CMTM4: variants seen among roughly 807,000 people sequenced by gnomAD.
CMTM4 encodes the protein CKLF-like MARVEL transmembrane domain-containing protein 4.
A neutral mutation model predicts 19.0 loss-of-function variants in CMTM4; 8 were observed. The ratio of observed to expected loss-of-function variants is 0.42; its 90% confidence interval spans 0.25 to 0.76. CMTM4 has a LOEUF of 0.76. Among genes scored for constraint, CMTM4 ranks in the 30% least tolerant of loss-of-function variants. CMTM4 has a pLI of 0.27. For synonymous variants in CMTM4, 106 were observed against 121.1 expected (o/e 0.88, Z 0.82); for missense variants, 228 against 290.2 (o/e 0.79, Z 1.56).
chr16:66,611,428 G>A (rs776003584), downstream of CMTM4, among the ~76,000 whole-genome samples: 2 of 152,082 alleles, frequency 1.3e-5, no homozygotes, highest in Admixed American at 6.5e-5. Context: ...CAGCCTGGGC[G>A]ACAGAGTGAG....
chr16:66,673,570 T>G (rs915398396), intron 1 of CMTM4, among the ~76,000 whole-genome samples: 1 of 152,162 alleles, frequency 6.6e-6, no homozygotes, highest in African/African-American at 2.4e-5. Context: ...AATGTTGTAC[T>G]GTACTTTTGT....
chr16:66,625,434 CA>C (rs565431475), intron 2 of CMTM4, among the ~76,000 whole-genome samples: 6,265 of 76,326 alleles, frequency 0.082, 193 homozygotes, highest in East Asian at 0.24. Context: ...AACTCTGTCT[CA>C]AAAAAAAAAA....
intron 1 of CMTM4, among the ~76,000 whole-genome samples, chr16:66,643,102 G>T (rs1043476144): frequency 2.0e-5 from 3 of 152,080 alleles, no homozygotes; most frequent in African/African-American, 7.2e-5. Context: ...TGTACTTTTA[G>T]TAGAGACAGG....
intron 1 of CMTM4, among the ~76,000 whole-genome samples, chr16:66,640,706 A>G (rs1567412155): frequency 6.6e-6 from 1 of 152,164 alleles, no homozygotes; most frequent in Non-Finnish European, 1.5e-5. Flanking sequence ...CCTTGCAGAA[A>G]TGACTTCACA....
chr16:66,609,344 T>C, the CMTM4 span: 1 of 1,136,082 alleles, frequency 8.8e-7, no homozygotes, highest in Non-Finnish European at 1.3e-6. The surrounding 1 kb of genome is among the most constrained non-coding windows in gnomAD (Gnocchi z 4.4). Context: ...GTGCTAGGCC[T>C]GGGGCTGGGA....
At chr16:66,674,732 CTTTTTTTTTTTTTTT>C (rs771044359) in intron 1 of CMTM4, among the ~76,000 whole-genome samples, 3 of 92,486 alleles carry the variant, frequency 3.2e-5, no homozygotes, top group South Asian at 7.8e-4. Context: ...GTTACATATT[CTTTTTTTTTTTTTTT>C]TTTTTTTTTT....
chr16:66,658,730 C>T (rs1017577826), intron 1 of CMTM4, among the ~76,000 whole-genome samples: 6 of 152,158 alleles, frequency 3.9e-5, no homozygotes, highest in African/African-American at 1.4e-4. Context: ...TGCCAGTACT[C>T]CTCCCACCCC....
chr16:66,659,882 G>A (rs2016470408), intron 1 of CMTM4, among the ~76,000 whole-genome samples: 2 of 152,164 alleles, frequency 1.3e-5, no homozygotes, highest in East Asian at 3.8e-4. Flanking sequence ...ACTAGTGTAT[G>A]TCTGAAAGTT....
At chr16:66,612,236 T>G (rs1368232976), downstream of CMTM4, among the ~76,000 whole-genome samples, 1 of 152,050 alleles carries the variant, frequency 6.6e-6, no homozygotes, top group Non-Finnish European at 1.5e-5. This position sits in a 1 kb window ranked among gnomAD's most constrained non-coding sequence, Gnocchi z 6.0. Context: ...TGAAAGCCCA[T>G]CTCTACTAAA....
At chr16:66,654,176 A>G (rs998581566) in intron 1 of CMTM4, among the ~76,000 whole-genome samples, 29 of 152,220 alleles carry the variant, frequency 1.9e-4, no homozygotes, top group African/African-American at 7.0e-4. Flanking sequence ...CACCCCAGGA[A>G]GAACATGGTT....
intron 1 of CMTM4, among the ~76,000 whole-genome samples, chr16:66,660,390 A>G (rs1326920142): frequency 1.3e-5 from 2 of 148,296 alleles, no homozygotes; most frequent in Non-Finnish European, 3.0e-5. Flanking sequence ...CCTGTCTCAA[A>G]AAAAAAAAAA....
chr16:66,624,994 G>A lies in CMTM4; in HGVS notation c.364-1492C>T, dbSNP rs368626030. 2.0e-5 allele frequency among the ~76,000 whole-genome samples: 3 copies of A among 151,790 alleles called. No homozygotes were observed. In the East Asian group the frequency reaches 5.8e-4, roughly 29 times the overall value. On this transcript the variant is annotated intron_variant, in intron 2 of 3. Coordinates refer to ENST00000394106, the MANE Select transcript of CMTM4 (RefSeq NM_181521.3). ...CAGCTCTGGGTAAGATGCTGTAGGG[G>A]TAAAAAAAGAATATAAAATATACTT...
chr16:66,661,652 G>A (rs773718381), intron 1 of CMTM4, among the ~76,000 whole-genome samples: 13 of 152,172 alleles, frequency 8.5e-5, no homozygotes, highest in Non-Finnish European at 1.5e-4. Flanking sequence ...ACTATAGGCC[G>A]GGCACGGTGG....
chr16:66,610,089 G>A, downstream of CMTM4: 1 of 1,544,322 alleles, frequency 6.5e-7, no homozygotes, highest in Non-Finnish European at 8.9e-7. This position sits in a 1 kb window ranked among gnomAD's most constrained non-coding sequence, Gnocchi z 4.6. Flanking sequence ...AGGCTGGGGT[G>A]GGATCATTTC....
At chr16:66,637,620 T>C (rs978393853) in intron 1 of CMTM4, among the ~76,000 whole-genome samples, 1 of 152,196 alleles carries the variant, frequency 6.6e-6, no homozygotes, top group South Asian at 2.1e-4. Context: ...TCATAGATCA[T>C]AAAATCAAAT....
At chr16:66,643,200 C>T (rs1260181787) in intron 1 of CMTM4, among the ~76,000 whole-genome samples, 1 of 152,174 alleles carries the variant, frequency 6.6e-6, no homozygotes, top group East Asian at 1.9e-4. Context: ...GGATTACAGG[C>T]ATGAGCCACT....
chr16:66,620,490 GC>G lies in CMTM4; in HGVS notation c.*1567del. 2 of 985,494 alleles carry G rather than the reference GC, an allele frequency of 2.0e-6. No individual in the cohort carries two copies. Among genetic ancestry groups the G allele is most frequent in the Non-Finnish European group, 2.4e-6 (2 of 829,976 alleles). The allele number at this position is 985,494 out of a possible 1,614,324, so 61.0% of individuals were successfully genotyped here. A position where few individuals can be genotyped will look rare whatever the true frequency, so the allele number is the denominator to read the frequency against. ...CTCCGACCCCCAGCCCAGCAGTGTT[GC>G]CTGATCAACACTGTGAGCTCAGATG... On this transcript the variant is annotated 3_prime_UTR_variant, in exon 4 of 4. Transcript: ENST00000394106.
chr16:66,696,602 A>C lies in CMTM4; in HGVS notation c.-77T>G. On this transcript the variant is annotated 5_prime_UTR_variant, in exon 1 of 4. The change abolishes an upstream ATG in the 5' untranslated region. Coordinates refer to ENST00000394106, the MANE Select transcript of CMTM4 (RefSeq NM_181521.3). This position sits in a 1 kb window ranked among gnomAD's most constrained non-coding sequence, Gnocchi z 4.3. ...CGGGCGGACTCAGCGGGGCCGCCGC[A>C]TCGCCGCCGCCGCCGCCGCCGCCGC... 1.2e-6 allele frequency: 1 copy of C among 865,382 alleles called. No homozygotes were observed. The highest frequency in any genetic ancestry group is 1.4e-6 in the Non-Finnish European group (1 of 720,538). 53.6% of individuals were successfully genotyped at this position (865,382 alleles called of 1,614,324 possible).
chr16:66,688,020 T>C (rs562248588), intron 1 of CMTM4, among the ~76,000 whole-genome samples: 11 of 152,200 alleles, frequency 7.2e-5, no homozygotes, highest in African/African-American at 2.6e-4. Flanking sequence ...AATTTATTGC[T>C]CATAGTTCTG....
Sources: gnomAD v4.1 joint callset for allele counts (sites outside exome capture counted in the v4.1 genomes callset) on GRCh38, gnomAD v4.1.1 for gene constraint, Gnocchi (gnomAD v3.1) non-coding constraint, MANE v1.5 for transcripts, NCBI Gene and HGNC (gene_info 2026-07-23, HGNC 2026-07-21) for gene names.